NFYB: variants seen among roughly 807,000 people sequenced by gnomAD.
NFYB encodes nuclear transcription factor Y subunit beta, also known as CAAT box DNA-binding protein subunit B.
NFYB carries 13 observed loss-of-function variants against 28.0 expected under a neutral mutation model. The observed-to-expected ratio is 0.46, with a 90% CI of 0.30 to 0.74. NFYB has a LOEUF of 0.74. NFYB is among the 30% of genes least tolerant of loss of function. NFYB has a pLI of 0.07. For missense variants in NFYB, 142 were observed against 247.6 expected, an observed-to-expected ratio of 0.57 and a Z score of 2.86; for synonymous variants, 74 against 75.0, an observed-to-expected ratio of 0.99 and a Z score of 0.07.
chr12:104,127,608 A>ACAAAC (rs2030767270), intron 3 of NFYB, among the ~76,000 whole-genome samples: 1 of 151,070 alleles, frequency 6.6e-6, no homozygotes, highest in Non-Finnish European at 1.5e-5. Context: ...AATTTTTTTT[A>ACAAAC]CAAACCAAAA....
intron 3 of NFYB, 151 bp downstream of exon 3, chr12:104,128,273 T>C: frequency 2.2e-6 from 1 of 453,204 alleles, no homozygotes. Flanking sequence ...AATAGCATGG[T>C]ACGCCTTTTT....
At chr12:104,130,771 T>A (rs929614890) in intron 2 of NFYB, among the ~76,000 whole-genome samples, 4 of 151,642 alleles carry the variant, frequency 2.6e-5, no homozygotes, top group African/African-American at 4.8e-5. Flanking sequence ...ACATGATGGA[T>A]TTTTTTTTAC....
rs982789590 is a variant in NFYB at position 104,120,365 on chromosome 12, A to T, written c.591+35T>A. ...CCATGGGGCCCTGTCGATACAATCA[A>T]ATTTTTTAAGCATTTAAAATACAAA... is the stretch of plus-strand genomic sequence containing the variant. On this transcript the variant is annotated intron_variant, in intron 7 of 7. Transcript: ENST00000240055. 3.8e-6 allele frequency: 6 copies of T among 1,571,816 alleles called. No individual in the cohort carries two copies. The East Asian group carries it at 1.4e-4, about 35-fold the overall frequency.
chr12:104,122,530 T>A (rs550982967), intron 5 of NFYB, among the ~76,000 whole-genome samples: 84 of 152,242 alleles, frequency 5.5e-4, no homozygotes, highest in African/African-American at 1.9e-3. Context: ...CCGCCTTCGG[T>A]CAGATCAGCG....
At chr12:104,119,805 GA>G in intron 7 of NFYB, 36 bp from the exon 8 acceptor site, 1 of 1,441,214 alleles carries the variant, frequency 6.9e-7, no homozygotes, top group Non-Finnish European at 9.7e-7. Context: ...CAGAATTAAA[GA>G]AAAGGAGATT....
In NFYB at chr12:104,119,126, A is replaced by G. The variant is rs1442511755; in HGVS notation, c.*611T>C. ...TAATGGGCACCAAGTTTAACAGGGCAGACAATATTTGCTTCTGCATTCACA... is the reference window on the plus strand; with the variant it reads ...TAATGGGCACCAAGTTTAACAGGGCGGACAATATTTGCTTCTGCATTCACA... On this transcript the variant is annotated 3_prime_UTR_variant, in exon 8 of 8. Transcript: ENST00000240055. The G allele has an allele frequency of 1.3e-5, 2 of 152,628 alleles. No individual in the cohort carries two copies. Among genetic ancestry groups the G allele is most frequent in the African/African-American group, 2.4e-5 (1 of 41,476 alleles). 9.5% of individuals were successfully genotyped at this position (152,628 alleles called of 1,614,324 possible). A position where few individuals can be genotyped will look rare whatever the true frequency, so the allele number is the denominator to read the frequency against.
At chr12:104,122,133 G>A (rs2030498259) in intron 5 of NFYB, among the ~76,000 whole-genome samples, 1 of 152,104 alleles carries the variant, frequency 6.6e-6, no homozygotes, top group African/African-American at 2.4e-5. Context: ...GCAGCAAGAA[G>A]TAACATTAAT....
intron 3 of NFYB, among the ~76,000 whole-genome samples, chr12:104,126,671 C>G (rs942874646): frequency 1.3e-5 from 2 of 152,122 alleles, no homozygotes; most frequent in African/African-American, 4.8e-5. Context: ...GTGTTTCCTA[C>G]AGCTTGGTAC....
intron 3 of NFYB, 147 bp from the exon 4 acceptor site, chr12:104,126,391 T>A: frequency 1.7e-6 from 1 of 571,580 alleles, no homozygotes; most frequent in Non-Finnish European, 2.7e-6. Context: ...CTCTTCATAA[T>A]TTTTACAGAG....
rs556202701 is a variant in NFYB at position 104,125,850 on chromosome 12, A to C, written c.231+264T>G. On this transcript the variant is annotated intron_variant, in intron 4 of 7. Transcript: ENST00000240055. The stretch of plus-strand genomic sequence containing the variant: ...CCAATAAGAGTGAAACTCTGTCCCC[A>C]AAAAAAAAAAAAAAAAAAAAAAACA... Among the ~76,000 whole-genome samples the C allele has an allele frequency of 3.5e-3, 318 of 91,504 alleles. 2 individuals carry two copies. The South Asian group carries it at 0.061, about 17-fold the overall frequency. 60.0% of individuals were successfully genotyped at this position (91,504 alleles called of 152,430 possible). A position where few individuals can be genotyped will look rare whatever the true frequency, so the allele number is the denominator to read the frequency against.
intron 2 of NFYB, among the ~76,000 whole-genome samples, chr12:104,128,975 C>T (rs2030826179): frequency 6.6e-6 from 1 of 152,156 alleles, no homozygotes. Flanking sequence ...GCCTATATTT[C>T]TTGATTTGGA....
At chr12:104,135,569 CAATA>C in intron 1 of NFYB, 37 bp from the exon 2 acceptor site, 1 of 850,198 alleles carries the variant, frequency 1.2e-6, no homozygotes, top group Non-Finnish European at 1.8e-6. Context: ...TAACATCTAT[CAATA>C]GTAAAAATAC....
intron 4 of NFYB, among the ~76,000 whole-genome samples, chr12:104,125,619 C>T (rs941857478): frequency 3.3e-5 from 5 of 151,900 alleles, no homozygotes; most frequent in Admixed American, 6.6e-5. Context: ...TAGGCCAAGG[C>T]GGATGGATCA....
At chr12:104,121,115 G>T in intron 6 of NFYB, 125 bp downstream of exon 6, 2 of 763,398 alleles carry the variant, frequency 2.6e-6, no homozygotes. Context: ...GGCATGAACT[G>T]ATAAGAACTA....
At position 104,135,438 on chromosome 12, in the gene NFYB, A is replaced by T; in HGVS notation, c.6+10T>A. The T allele has an allele frequency of 6.3e-7, 1 of 1,587,490 alleles. No individual in the cohort carries two copies. Among genetic ancestry groups the T allele is most frequent in the Non-Finnish European group, 8.5e-7 (1 of 1,170,362 alleles). On this transcript the variant is annotated intron_variant, in intron 2 of 7. Transcript: ENST00000240055. ...TCTAATTAACAACCAAAATGGTAAAATATACTTACTGTCATGAAATACTGT... is the reference window on the plus strand; with the variant it reads ...TCTAATTAACAACCAAAATGGTAAATTATACTTACTGTCATGAAATACTGT...
chr12:104,137,788 G>C (rs1238411680), intron 1 of NFYB: 1 of 147,518 alleles, frequency 6.8e-6, no homozygotes, highest in Non-Finnish European at 1.5e-5. Flanking sequence ...GAGCCGGCCC[G>C]GGACGCCGTC....
At chr12:104,126,754 C>G (rs1167069060) in intron 3 of NFYB, among the ~76,000 whole-genome samples, 1 of 152,152 alleles carries the variant, frequency 6.6e-6, no homozygotes, top group African/African-American at 2.4e-5. Flanking sequence ...AGACCGTAAC[C>G]TATGGCTCCT....
rs1047643754 is a variant in NFYB, at chr12:104,119,098, T to C, written c.*639A>G. On this transcript the variant is annotated 3_prime_UTR_variant, in exon 8 of 8. Transcript: ENST00000240055. ...CAGGCACGATGAACAGTGTAAACAC[T>C]GTTAATGGGCACCAAGTTTAACAGG... 10 of 152,720 alleles carry C rather than the reference T, an allele frequency of 6.5e-5. No homozygotes were observed. The highest frequency in any genetic ancestry group is 3.9e-4 in the Admixed American group (6 of 15,308). The allele number at this position is 152,720 out of a possible 1,614,324, so 9.5% of individuals were successfully genotyped here.
At chr12:104,130,689 A>T (rs1020100915) in intron 2 of NFYB, among the ~76,000 whole-genome samples, 2 of 152,236 alleles carry the variant, frequency 1.3e-5, no homozygotes, top group African/African-American at 4.8e-5. Context: ...AATAAATGTG[A>T]AACAGTGCCC....
Sources: gnomAD v4.1 joint callset for allele counts (sites outside exome capture counted in the v4.1 genomes callset) on GRCh38, gnomAD v4.1.1 for gene constraint, MANE v1.5 for transcripts, NCBI Gene and HGNC (gene_info 2026-07-23, HGNC 2026-07-21) for gene names.